The following SMC6 variants were observed in gnomAD, a reference collection of about 807,000 sequenced individuals.
SMC6 encodes structural maintenance of chromosomes 6.
In SMC6, 79 loss-of-function variants were observed where a neutral mutation model predicts 142.2. The observed-to-expected ratio is 0.56, with a 90% CI of 0.46 to 0.67. SMC6 has a LOEUF of 0.67. SMC6 is among the 30% of genes least tolerant of loss of function. The pLI is 0.00. For missense variants in SMC6, 1,072 were observed against 1,284.0 expected, an observed-to-expected ratio of 0.83 and a Z score of 2.52; for synonymous variants, 411 against 412.4, an observed-to-expected ratio of 1.00 and a Z score of 0.04.
chr2:17,742,457 G>C (rs1670520508), intron 3 of SMC6, among the ~76,000 whole-genome samples: 1 of 152,142 alleles, frequency 6.6e-6, no homozygotes, highest in Admixed American at 6.6e-5. Flanking sequence ...TATTATATCA[G>C]CATTAAGTTA....
intron 2 of SMC6, among the ~76,000 whole-genome samples, chr2:17,751,363 C>A (rs1030913857): frequency 1.3e-5 from 2 of 151,672 alleles, no homozygotes; most frequent in African/African-American, 4.9e-5. Flanking sequence ...GCCTGTAATC[C>A]CAGCTACTCC....
At position 17,708,225 on chromosome 2, in the gene SMC6, T is replaced by C. The variant is rs562897418; in HGVS notation, c.1845+414A>G. Among the ~76,000 whole-genome samples, 6 of 152,090 alleles carry C rather than the reference T, an allele frequency of 3.9e-5. No individual in the cohort carries two copies. The East Asian group carries it at 7.7e-4, about 20-fold the overall frequency. Reference sequence around the variant, plus strand: ...CACCTACACAGATAAATAGTAAATATTGATTTATCTAACAGAGTACAAAGT... The same window carrying C: ...CACCTACACAGATAAATAGTAAATACTGATTTATCTAACAGAGTACAAAGT... On this transcript the variant is annotated intron_variant, in intron 17 of 27. Coordinates refer to ENST00000448223, the MANE Select transcript of SMC6 (RefSeq NM_001142286.2).
chr2:17,746,137 G>C, intron 2 of SMC6, 186 bp from the exon 3 acceptor site: 1 of 526,868 alleles, frequency 1.9e-6, no homozygotes, highest in Non-Finnish European at 3.0e-6. Flanking sequence ...AAAAATGCTG[G>C]AAAAGGCAAG....
In SMC6 at chr2:17,714,957, A is replaced by G; in HGVS notation, c.1634T>C (p.Leu545Pro). Residue 545 changes from leucine to proline, a missense_variant, in exon 16 of 28, where the codon CTT becomes CCT. Transcript: ENST00000448223. ...ATAAAACCTTTTCATGAGTGCCTGA[A>G]GGACCCTTTCATCAGCATGATTATG... ...CCHNHADERV[L>P]QALMKRFYLP... 6.2e-7 allele frequency: 1 copy of G among 1,614,064 alleles called. No homozygotes were observed. The highest frequency in any genetic ancestry group is 1.1e-5 in the South Asian group (1 of 91,088).
chr2:17,727,314 C>T (rs975559388), intron 7 of SMC6, among the ~76,000 whole-genome samples: 4 of 152,100 alleles, frequency 2.6e-5, no homozygotes, highest in East Asian at 3.9e-4. Context: ...GCGGAAAAAA[C>T]GTGAAAAGAC....
intron 9 of SMC6, 146 bp from the exon 10 acceptor site, chr2:17,721,407 C>G: frequency 1.1e-6 from 1 of 910,414 alleles, no homozygotes; most frequent in Non-Finnish European, 1.6e-6. Context: ...TAAAATTATT[C>G]TTGATTCTTT....
chr2:17,696,273 A>C lies in SMC6; in HGVS notation c.2532+16T>G, dbSNP rs1272105473. The C allele has an allele frequency of 1.3e-6, 2 of 1,579,588 alleles. No homozygotes were observed. Among genetic ancestry groups the C allele is most frequent in the Admixed American group, 4.1e-5 (2 of 48,626 alleles). On this transcript the variant is annotated intron_variant, in intron 22 of 27. Transcript: ENST00000448223. ...AAGGCTGAAAACAAAATAACTTGAA[A>C]AAAATGGTGAAAAACCTCTAGTTCT...
intron 23 of SMC6, 141 bp downstream of exon 23, chr2:17,695,011 C>A: frequency 2.4e-6 from 2 of 836,832 alleles, no homozygotes; most frequent in Non-Finnish European, 3.8e-6. Context: ...GAATAATACA[C>A]ATATAAAGGA....
At position 17,708,755 on chromosome 2, in the gene SMC6, T is replaced by TA; in HGVS notation, c.1731-3dup. 1 of 1,475,220 alleles carries TA rather than the reference T, an allele frequency of 6.8e-7. No individual in the cohort carries two copies. Among genetic ancestry groups the TA allele is most frequent in the South Asian group, 1.5e-5 (1 of 65,888 alleles). 91.4% of individuals were successfully genotyped at this position (1,475,220 alleles called of 1,614,324 possible). On this transcript the variant is annotated splice_region_variant and splice_polypyrimidine_tract_variant and intron_variant, in intron 16 of 27. Transcript: ENST00000448223. ...GGAAAGTCTGGATGATAAGCAGCTC[T>TA]AGGAGACAAAAATACAGAAGGATTA...
At chr2:17,722,029 T>C (rs2125016421) in intron 9 of SMC6, among the ~76,000 whole-genome samples, 1 of 152,302 alleles carries the variant, frequency 6.6e-6, no homozygotes, top group East Asian at 1.9e-4. Context: ...CCTTCATCCA[T>C]GCTTACCAAA....
intron 12 of SMC6, among the ~76,000 whole-genome samples, chr2:17,717,828 A>C (rs1185437752): frequency 1.3e-5 from 2 of 152,040 alleles, no homozygotes; most frequent in Non-Finnish European, 2.9e-5. Context: ...CAAGAAATAC[A>C]AAAAAATTTA....
intron 18 of SMC6, among the ~76,000 whole-genome samples, chr2:17,705,874 T>A (rs964086416): frequency 6.6e-6 from 1 of 152,062 alleles, no homozygotes; most frequent in African/African-American, 2.4e-5. Flanking sequence ...AGTATGTGAG[T>A]TGTTTGTGTG....
intron 5 of SMC6, among the ~76,000 whole-genome samples, chr2:17,736,599 G>A (rs914394555): frequency 6.6e-6 from 1 of 152,124 alleles, no homozygotes; most frequent in African/African-American, 2.4e-5. Context: ...CTGTGGCTGA[G>A]TGTGGTGGCT....
At position 17,725,122 on chromosome 2, in the gene SMC6, T is replaced by C. The variant is rs561924640; in HGVS notation, c.726+135A>G. 57 of 619,544 alleles carry C rather than the reference T, an allele frequency of 9.2e-5. No homozygotes were observed. In the African/African-American group the frequency reaches 9.3e-4, roughly 10 times the overall value. The allele number at this position is 619,544 out of a possible 1,614,324, so 38.4% of individuals were successfully genotyped here. Reference sequence around the variant, plus strand: ...CCCGGAATATAAACACTACATTGCATATACTTCAGAGTGCTATAAAAATAT... The same window carrying C: ...CCCGGAATATAAACACTACATTGCACATACTTCAGAGTGCTATAAAAATAT... On this transcript the variant is annotated intron_variant, in intron 9 of 27. Transcript: ENST00000448223.
At chr2:17,716,974 C>A in intron 13 of SMC6, 69 bp from the exon 14 acceptor site, 2 of 1,531,704 alleles carry the variant, frequency 1.3e-6, no homozygotes, top group Non-Finnish European at 1.8e-6. Flanking sequence ...AGAACACAAA[C>A]CGATGTAATA....
chr2:17,720,232 G>T (rs1322197158), intron 11 of SMC6, among the ~76,000 whole-genome samples: 1 of 152,126 alleles, frequency 6.6e-6, no homozygotes, highest in Non-Finnish European at 1.5e-5. Context: ...ATAAAGAGTG[G>T]ATCTGCTGAA....
intron 23 of SMC6, among the ~76,000 whole-genome samples, chr2:17,692,234 GC>G (rs1381556006): frequency 6.6e-6 from 1 of 152,152 alleles, no homozygotes; most frequent in Non-Finnish European, 1.5e-5. Flanking sequence ...CCAAAAAAGA[GC>G]CCGCGTTGCC....
Position 17,703,216 on chromosome 2 carries a change from C to G in SMC6, c.2083G>C (p.Asp695His). The change falls in exon 19 of 28, where the codon GAT (aspartate) becomes CAT (histidine). Residue 695 changes from aspartate (D) to histidine (H), a missense_variant. By Grantham distance (81) the Asp-to-His change is moderately conservative (BLOSUM62 -1). Around this residue, in one of 3 missense-constraint regions of SMC6, gnomAD observed 994 missense variants for 1,153.2 expected, o/e 0.86. Coordinates refer to ENST00000448223, the MANE Select transcript of SMC6 (RefSeq NM_001142286.2). ...LQQHLSALEK[D>H]IKHNEELLKR... is the part of the protein sequence containing the mutation. ...AGAAGTTCCTCATTGTGTTTAATATCTTTTTCAAGGGCAGATAAATGTTGC... is the reference window on the plus strand; with the variant it reads ...AGAAGTTCCTCATTGTGTTTAATATGTTTTTCAAGGGCAGATAAATGTTGC... 6.3e-7 allele frequency: 1 copy of G among 1,593,952 alleles called. No individual in the cohort carries two copies. The highest frequency in any genetic ancestry group is 1.7e-5 in the Admixed American group (1 of 58,976).
intron 23 of SMC6, among the ~76,000 whole-genome samples, chr2:17,688,122 T>C (rs912575507): frequency 1.3e-5 from 2 of 152,080 alleles, no homozygotes; most frequent in Non-Finnish European, 2.9e-5. Context: ...TTTAATTCTG[T>C]TAACTGAAAG....
Sources: gnomAD v4.1 joint callset for allele counts (sites outside exome capture counted in the v4.1 genomes callset) on GRCh38, gnomAD v4.1.1 for gene constraint, gnomAD v4.1.1 regional missense constraint, MANE v1.5 for transcripts, NCBI Gene and HGNC (gene_info 2026-07-23, HGNC 2026-07-21) for gene names.